The following MSH6 variants were observed in gnomAD, a reference collection of about 807,000 sequenced individuals.
MSH6 encodes DNA mismatch repair protein Msh6.
A neutral mutation model predicts 119.1 loss-of-function variants in MSH6; 85 were observed. That is an observed-to-expected ratio of 0.71 (90% CI 0.60 to 0.85). The LOEUF is 0.85. Ranked by LOEUF, MSH6 falls within the 40% of genes least tolerant of loss-of-function variation. MSH6 has a pLI of 0.00. For missense variants in MSH6, 2,163 were observed against 1,655.3 expected (o/e 1.31, Z -5.32); for synonymous variants, 830 against 586.9 (o/e 1.41, Z -5.99).
intron 1 of MSH6, among the ~76,000 whole-genome samples, chr2:47,788,907 C>CTTTTTTTTGTTTTTTTTTT (rs1668533452): frequency 5.8e-5 from 1 of 17,278 alleles, no homozygotes; most frequent in Non-Finnish European, 1.0e-4. Context: ...TTTCTTCTTC[C>CTTTTTTTTGTTTTTTTTTT]TTTTTTTTTT....
chr2:47,807,806 A>G (rs1441945896), downstream of MSH6: 1 of 283,282 alleles, frequency 3.5e-6, no homozygotes, highest in Non-Finnish European at 6.7e-6. Context: ...ATTGGACTGC[A>G]TTCAATGCTA....
At chr2:47,785,786 C>T (rs757055412) in intron 1 of MSH6, among the ~76,000 whole-genome samples, 4 of 152,104 alleles carry the variant, frequency 2.6e-5, no homozygotes, top group East Asian at 1.9e-4. Flanking sequence ...CCAAACCAAA[C>T]GGGTGTATTT....
chr2:47,787,150 A>G (rs1668396374), intron 1 of MSH6, among the ~76,000 whole-genome samples: 1 of 152,152 alleles, frequency 6.6e-6, no homozygotes, highest in African/African-American at 2.4e-5. Context: ...TTAGCCAGGC[A>G]TGGTGGCGTG....
At chr2:47,783,597 G>T (rs1262297852) in intron 1 of MSH6, 104 bp downstream of exon 1, 1 of 1,214,710 alleles carries the variant, frequency 8.2e-7, no homozygotes, top group East Asian at 3.0e-5. Context: ...GCACGGCCTG[G>T]CCCTGGGCTC....
downstream of MSH6, chr2:47,808,995 CCA>C (rs551401101): frequency 2.5e-5 from 13 of 523,128 alleles, no homozygotes; most frequent in Non-Finnish European, 3.4e-5. Flanking sequence ...CCACGCCTAC[CCA>C]CAGTTACAGT....
rs1805181 is a variant in MSH6, at chr2:47,805,735, ACTAT to A, written c.3646+35_3646+38del. On this transcript the variant is annotated intron_variant, in intron 7 of 9. Coordinates refer to ENST00000234420, the MANE Select transcript of MSH6 (RefSeq NM_000179.3). ...AAGACATTAAACTTCTCATTTGAAG[ACTAT>A]CTATCTTAAAAACATTTGTACAAAT... 894,243 of 1,320,572 alleles carry A rather than the reference ACTAT, an allele frequency of 0.68. 309,235 individuals carry two copies. The highest frequency in any genetic ancestry group is 0.86 in the East Asian group (37,406 of 43,452). The allele number at this position is 1,320,572 out of a possible 1,614,324, so 81.8% of individuals were successfully genotyped here.
At chr2:47,807,784 TTAC>T (rs1670326697), downstream of MSH6, 2 of 260,084 alleles carry the variant, frequency 7.7e-6, no homozygotes. Flanking sequence ...CTATTGAAGA[TTAC>T]TACTGCAAAT....
rs564434147 is a variant in MSH6, at chr2:47,806,781, A to C, written c.4004A>C (p.Glu1335Ala). Residue 1335 changes from glutamate (E) to alanine (A), a missense_variant and splice_region_variant, in exon 10 of 10, where the codon GAA (glutamate) becomes GCA (alanine). Coordinates refer to ENST00000234420, the MANE Select transcript of MSH6 (RefSeq NM_000179.3). ...TTTTTTTTTTTTTTAATTTTAAGGG[A>C]AGTTTGCCTGGCTAGTGAAAGGTCA... ...KMNQSLRLFR[E>A]VCLASERSTV... 83 of 1,590,584 alleles carry C rather than the reference A, an allele frequency of 5.2e-5. No homozygotes were observed. The highest frequency in any genetic ancestry group is 5.0e-4 in the Middle Eastern group (3 of 5,980).
In MSH6 at chr2:47,803,696, C is replaced by CT. The variant is rs267608097; in HGVS notation, c.3438+13dup. On this transcript the variant is annotated intron_variant, in intron 5 of 9. Coordinates refer to ENST00000234420, the MANE Select transcript of MSH6 (RefSeq NM_000179.3). ...ACGCTTATGAGACAGGTAACTGATT[C>CT]TTAAAGTTTTGTTATCAGAAAGTCA... is the stretch of plus-strand genomic sequence containing the variant. The CT allele has an allele frequency of 3.7e-5, 60 of 1,613,566 alleles. 1 individual carries two copies. Among genetic ancestry groups the CT allele is most frequent in the South Asian group, 2.7e-4 (25 of 91,074 alleles).
chr2:47,788,246 CTTT>C lies in MSH6; in HGVS notation c.261-2657_261-2655del, dbSNP rs560110301. 2.9e-4 allele frequency among the ~76,000 whole-genome samples: 26 copies of C among 90,056 alleles called. 1 individual carries two copies. Among genetic ancestry groups the C allele is most frequent in the Non-Finnish European group, 4.3e-4 (21 of 48,410 alleles). 59.1% of individuals were successfully genotyped at this position (90,056 alleles called of 152,430 possible). Reference sequence around the variant, plus strand: ...ATTTCTTTTCTTTCATTCTTTCTTTCTTTTTTTTTTTTTTTTTTTTTTTTTTGA... The same window carrying C: ...ATTTCTTTTCTTTCATTCTTTCTTTCTTTTTTTTTTTTTTTTTTTTTTTGA... On this transcript the variant is annotated intron_variant, in intron 1 of 9. Transcript: ENST00000234420.
Position 47,799,642 on chromosome 2 carries a change from T to C in MSH6, c.1659T>C (p.Thr553=), listed in dbSNP as rs769828338. The C allele has an allele frequency of 3.1e-6, 5 of 1,614,162 alleles. No individual in the cohort carries two copies. Among genetic ancestry groups the C allele is most frequent in the Non-Finnish European group, 4.2e-6 (5 of 1,180,008 alleles). ...AAGAGGAAGATTCTTCTGGCCATAC[T>C]CGTGCATATGGTGTGTGCTTTGTTG... ...KEKEEDSSGH[T]RAYGVCFVDT... The change falls in exon 4 of 10, where the codon ACT becomes ACC. Residue 553 remains threonine (T), a synonymous_variant. Transcript: ENST00000234420.
At position 47,800,357 on chromosome 2, in the gene MSH6, C is replaced by G. The variant is rs1478046202; in HGVS notation, c.2374C>G (p.Leu792Val). Residue 792 changes from leucine to valine, a missense_variant, in exon 4 of 10, where the codon CTA (leucine) becomes GTA (valine). Coordinates refer to ENST00000234420, the MANE Select transcript of MSH6 (RefSeq NM_000179.3). ...LCNHYAINDRLDAIEDLMVVP... is the reference protein window; with the variant it reads ...LCNHYAINDRVDAIEDLMVVP... ...TAACCATTATGCTATTAATGATCGTCTAGATGCCATAGAAGACCTCATGGT... is the reference window on the plus strand; with the variant it reads ...TAACCATTATGCTATTAATGATCGTGTAGATGCCATAGAAGACCTCATGGT... The G allele has an allele frequency of 6.2e-7, 1 of 1,614,086 alleles. No homozygotes were observed. Among genetic ancestry groups the G allele is most frequent in the Non-Finnish European group, 8.5e-7 (1 of 1,180,014 alleles).
downstream of MSH6, chr2:47,807,607 TAAA>T (rs1454502662): frequency 4.6e-6 from 1 of 218,958 alleles, no homozygotes; most frequent in Non-Finnish European, 9.2e-6. Flanking sequence ...TGCTTGAAAT[TAAA>T]AACAAACTAC....
chr2:47,793,875 C>T (rs542417447), intron 2 of MSH6, among the ~76,000 whole-genome samples: 5 of 151,604 alleles, frequency 3.3e-5, no homozygotes, highest in African/African-American at 4.8e-5. Context: ...TGATTATAGG[C>T]GCCCACCACC....
chr2:47,791,808 C>T (rs1435911979), intron 2 of MSH6, among the ~76,000 whole-genome samples: 1 of 150,864 alleles, frequency 6.6e-6, no homozygotes, highest in Non-Finnish European at 1.5e-5. Context: ...TCCCGAGTAG[C>T]TTGGGATTAT....
chr2:47,788,910 T>TTTTTTTTTTTG (rs1558650134), intron 1 of MSH6, among the ~76,000 whole-genome samples: 1 of 55,146 alleles, frequency 1.8e-5, no homozygotes, highest in East Asian at 6.4e-4. Flanking sequence ...CTTCTTCCTT[T>TTTTTTTTTTTG]TTTTTTTTTT....
rs1558391074 is a variant in MSH6 at position 47,805,733 on chromosome 2, AGAC to A, written c.3646+27_3646+29del. 17 of 1,254,930 alleles carry A rather than the reference AGAC, an allele frequency of 1.4e-5. No homozygotes were observed. The African/African-American group carries it at 3.5e-4, about 26-fold the overall frequency. 77.7% of individuals were successfully genotyped at this position (1,254,930 alleles called of 1,614,324 possible). A position where few individuals can be genotyped will look rare whatever the true frequency, so the allele number is the denominator to read the frequency against. ...GTAAGACATTAAACTTCTCATTTGA[AGAC>A]TATCTATCTTAAAAACATTTGTACA... On this transcript the variant is annotated intron_variant, in intron 7 of 9. Transcript: ENST00000234420.
chr2:47,803,835 T>C (rs1006375263), intron 5 of MSH6, 150 bp downstream of exon 5: 21 of 834,376 alleles, frequency 2.5e-5, no homozygotes, highest in African/African-American at 6.8e-5. Flanking sequence ...TGTTATAAAA[T>C]TGAGAATTAT....
At chr2:47,797,945 T>G (rs1669197288) in intron 3 of MSH6, 1 of 206,496 alleles carries the variant, frequency 4.8e-6, no homozygotes, top group South Asian at 8.9e-5. Flanking sequence ...TTTTTATAGT[T>G]TTAGTCTTTT....
Sources: allele counts gnomAD v4.1 joint callset (sites outside exome capture counted in the v4.1 genomes callset), GRCh38; gene constraint gnomAD v4.1.1; transcripts MANE v1.5; gene names NCBI Gene and HGNC (gene_info 2026-07-23, HGNC 2026-07-21).